The following NOS1 variants were observed in gnomAD, a reference collection of about 807,000 sequenced individuals.
NOS1 encodes NOS type I.
In NOS1, 51 loss-of-function variants were observed where a neutral mutation model predicts 164.5. The ratio of observed to expected loss-of-function variants is 0.31; its 90% CI spans 0.25 to 0.39. NOS1 has a LOEUF of 0.39. Among genes scored for constraint, NOS1 ranks in the 10% least tolerant of loss-of-function variants. NOS1 has a pLI of 1.00. For synonymous variants in NOS1, 719 were observed against 745.8 expected (o/e 0.96, Z 0.59); for missense variants, 1,362 against 1,885.6 (o/e 0.72, Z 5.14).
rs534260940 is a variant in NOS1, at chr12:117,261,178, C to CAAAA, written c.2223-573_2223-570dup. Among the ~76,000 whole-genome samples, 318 of 77,240 alleles carry CAAAA rather than the reference C, an allele frequency of 4.1e-3. 12 individuals are homozygous for CAAAA. The highest frequency in any genetic ancestry group is 0.012 in the African/African-American group (265 of 21,990). The allele number at this position is 77,240 out of a possible 152,430, so 50.7% of individuals were successfully genotyped here. ...TGGGCGACAGAGTGAGACTCTGCCT[C>CAAAA]AAAAAAAAAAAAAAAAAAAAAAAAA... On this transcript the variant is annotated intron_variant, in intron 13 of 28. Coordinates refer to ENST00000317775, the MANE Select transcript of NOS1 (RefSeq NM_000620.5).
At chr12:117,316,351 C>T (rs1874666416) in intron 2 of NOS1, among the ~76,000 whole-genome samples, 1 of 152,072 alleles carries the variant, frequency 6.6e-6, no homozygotes, top group South Asian at 2.1e-4. Flanking sequence ...CAGACTCCTA[C>T]CTCCTATCAT....
chr12:117,277,106 T>A (rs1451289898), intron 9 of NOS1, among the ~76,000 whole-genome samples: 2 of 152,144 alleles, frequency 1.3e-5, no homozygotes, highest in Non-Finnish European at 2.9e-5. Context: ...CCACCAACAG[T>A]GTACAAGGGT....
intron 1 of NOS1, among the ~76,000 whole-genome samples, chr12:117,341,578 G>A (rs1876114438): frequency 6.6e-6 from 1 of 152,178 alleles, no homozygotes; most frequent in Non-Finnish European, 1.5e-5. Flanking sequence ...TTGGGGCTAA[G>A]GTTCTTAAGT....
Position 117,215,168 on chromosome 12 carries a change from C to T in NOS1, c.*141G>A, listed in dbSNP as rs1344035013. On this transcript the variant is annotated 3_prime_UTR_variant, in exon 29 of 29. Transcript: ENST00000317775. Reference sequence around the variant, plus strand: ...GAGGGCCGAGGAAACCACTGAGGGGCGAGAAGCCCGAGGAGGGAAACCAGG... The same window carrying T: ...GAGGGCCGAGGAAACCACTGAGGGGTGAGAAGCCCGAGGAGGGAAACCAGG... 7 of 1,329,022 alleles carry T rather than the reference C, an allele frequency of 5.3e-6. No individual in the cohort carries two copies. Among genetic ancestry groups the T allele is most frequent in the Admixed American group, 2.9e-5 (1 of 33,938 alleles). 82.3% of individuals were successfully genotyped at this position (1,329,022 alleles called of 1,614,324 possible).
intron 9 of NOS1, among the ~76,000 whole-genome samples, chr12:117,273,371 C>G (rs1402433128): frequency 6.6e-6 from 1 of 152,020 alleles, no homozygotes; most frequent in Non-Finnish European, 1.5e-5. Context: ...GGTGAGTTCC[C>G]AGATATCAGG....
In NOS1 at chr12:117,330,299, T is replaced by TACAC. The variant is rs376586960; in HGVS notation, c.725+45_725+46insGTGT. 3 of 634,020 alleles carry TACAC rather than the reference T, an allele frequency of 4.7e-6. No individual in the cohort carries two copies. Among genetic ancestry groups the TACAC allele is most frequent in the Non-Finnish European group, 4.4e-6 (2 of 459,046 alleles). The allele number at this position is 634,020 out of a possible 1,614,324, so 39.3% of individuals were successfully genotyped here. A position where few individuals can be genotyped will look rare whatever the true frequency, so the allele number is the denominator to read the frequency against. ...AGACGCACATGCACACACACAAGCATGCACACACACACACACACACACACA... is the reference window on the plus strand; with the variant it reads ...AGACGCACATGCACACACACAAGCATACACGCACACACACACACACACACACACA... On this transcript the variant is annotated intron_variant, in intron 2 of 28. Transcript: ENST00000317775. This position sits in a 1 kb window ranked among gnomAD's most constrained non-coding sequence, Gnocchi z 4.6.
chr12:117,298,250 T>C (rs918833587), intron 3 of NOS1, among the ~76,000 whole-genome samples: 4 of 151,930 alleles, frequency 2.6e-5, no homozygotes, highest in African/African-American at 4.8e-5. Context: ...CCTAGATCCC[T>C]TGCAGGTGCA....
chr12:117,282,204 T>C (rs969940058), intron 7 of NOS1, among the ~76,000 whole-genome samples: 3 of 151,540 alleles, frequency 2.0e-5, no homozygotes, highest in Admixed American at 1.3e-4. Context: ...CTCAACATCA[T>C]CATCAGGATT....
rs199681806 is a variant in NOS1, at chr12:117,243,434, G to A, written c.2825C>T (p.Ala942Val). 6.2e-7 allele frequency: 1 copy of A among 1,613,970 alleles called. No individual in the cohort carries two copies. Among genetic ancestry groups the A allele is most frequent in the Non-Finnish European group, 8.5e-7 (1 of 1,179,956 alleles). The change falls in exon 19 of 29, where the codon GCA becomes GTA. Residue 942 changes from alanine (A) to valine (V), a missense_variant and splice_region_variant. Around this residue, in one of 4 missense-constraint regions of NOS1, gnomAD observed 737 missense variants for 1,030.3 expected, o/e 0.72. Transcript: ENST00000317775. This position sits in a 1 kb window ranked among gnomAD's most constrained non-coding sequence, Gnocchi z 4.3. Reference sequence around the variant, plus strand: ...TCCCACACAGAAGACATCACAGGCTGCCTGTGGTGTACACAAGGCTTTCAG... The same window carrying A: ...TCCCACACAGAAGACATCACAGGCTACCTGTGGTGTACACAAGGCTTTCAG... ...FRTWAKKVFK[A>V]ACDVFCVGDD...
chr12:117,360,138 A>G (rs1405869898), intron 1 of NOS1, among the ~76,000 whole-genome samples: 2 of 151,550 alleles, frequency 1.3e-5, no homozygotes, highest in African/African-American at 4.8e-5. Flanking sequence ...CAGGGGAGTC[A>G]CTGGAAAGGT....
In NOS1 at chr12:117,260,625, T is replaced by C. The variant is rs367783936; in HGVS notation, c.2223-16A>G. 533 of 1,603,692 alleles carry C rather than the reference T, an allele frequency of 3.3e-4. 1 individual carries two copies. Among genetic ancestry groups the C allele is most frequent in the Non-Finnish European group, 4.2e-4 (494 of 1,171,978 alleles). On this transcript the variant is annotated splice_polypyrimidine_tract_variant and intron_variant, in intron 13 of 28. Transcript: ENST00000317775. ...CTTGACAGCTCTGGAGGGAAGAGGA[T>C]GGAGATGAAAAATGGGCAACAGAAA...
At chr12:117,320,832 C>T (rs552755009) in intron 2 of NOS1, among the ~76,000 whole-genome samples, 2 of 152,294 alleles carry the variant, frequency 1.3e-5, no homozygotes, top group South Asian at 4.1e-4. Context: ...TAGGAACACC[C>T]TTCCCTAGAT....
intron 3 of NOS1, among the ~76,000 whole-genome samples, chr12:117,295,831 G>C (rs1044355268): frequency 4.0e-5 from 6 of 149,808 alleles, no homozygotes; most frequent in Middle Eastern, 3.2e-3. Context: ...GTTTCACCAT[G>C]TTGGCCAGGC....
intron 15 of NOS1, 47 bp downstream of exon 15, chr12:117,258,979 T>C (rs1375555339): frequency 7.0e-7 from 1 of 1,418,698 alleles, no homozygotes; most frequent in Admixed American, 1.7e-5. Flanking sequence ...CCCTACTTCT[T>C]CCTGATGATG....
intron 2 of NOS1, among the ~76,000 whole-genome samples, chr12:117,311,920 G>A (rs1265791874): frequency 6.6e-6 from 1 of 152,132 alleles, no homozygotes; most frequent in Non-Finnish European, 1.5e-5. Context: ...ATGGATCTGG[G>A]AACACAGGAG....
Position 117,331,163 on chromosome 12 carries a change from G to A in NOS1, c.-94C>T, listed in dbSNP as rs190212141. Reference sequence around the variant, plus strand: ...GGAGGATCCAGGCTTCAGGCTACACGGAGAGCAGGAGCCGGGGTGACAGGT... The same window carrying A: ...GGAGGATCCAGGCTTCAGGCTACACAGAGAGCAGGAGCCGGGGTGACAGGT... On this transcript the variant is annotated 5_prime_UTR_variant, in exon 2 of 29. Coordinates refer to ENST00000317775, the MANE Select transcript of NOS1 (RefSeq NM_000620.5). 25 of 1,463,554 alleles carry A rather than the reference G, an allele frequency of 1.7e-5. No individual in the cohort carries two copies. In the East Asian group the frequency reaches 3.0e-4, roughly 17 times the overall value. 90.7% of individuals were successfully genotyped at this position (1,463,554 alleles called of 1,614,324 possible).
intron 3 of NOS1, among the ~76,000 whole-genome samples, chr12:117,308,496 C>T (rs760642335): frequency 1.3e-5 from 2 of 151,800 alleles, no homozygotes; most frequent in Non-Finnish European, 2.9e-5. Flanking sequence ...CTGGATGGTG[C>T]CACTGTACCT....
Position 117,218,125 on chromosome 12 carries a change from G to A in NOS1, c.4210C>T (p.Leu1404=). 1 of 1,614,108 alleles carries A rather than the reference G, an allele frequency of 6.2e-7. No individual in the cohort carries two copies. The highest frequency in any genetic ancestry group is 8.5e-7 in the Non-Finnish European group (1 of 1,179,986). Residue 1404 remains leucine, a synonymous_variant, in exon 28 of 29, where the codon CTG becomes TTG. Coordinates refer to ENST00000317775, the MANE Select transcript of NOS1 (RefSeq NM_000620.5). ...RYHEDIFGVT[L]RTYEVTNRLR... is the part of the protein sequence containing the mutation. Reference sequence around the variant, plus strand: ...CGGTTGGTCACTTCGTACGTTCGCAGGGTGACTCCAAAAATATCCTCATGG... The same window carrying A: ...CGGTTGGTCACTTCGTACGTTCGCAAGGTGACTCCAAAAATATCCTCATGG...
At chr12:117,237,887 G>A (rs964484921) in intron 20 of NOS1, among the ~76,000 whole-genome samples, 1 of 152,090 alleles carries the variant, frequency 6.6e-6, no homozygotes, top group Non-Finnish European at 1.5e-5. Flanking sequence ...GGTTGGTGAT[G>A]TGGACGAGTG....
Sources: gnomAD v4.1 joint callset for allele counts (sites outside exome capture counted in the v4.1 genomes callset) on GRCh38, gnomAD v4.1.1 for gene constraint, gnomAD v4.1.1 regional missense constraint, Gnocchi (gnomAD v3.1) non-coding constraint, MANE v1.5 for transcripts, NCBI Gene and HGNC (gene_info 2026-07-23, HGNC 2026-07-21) for gene names.